The following CXCL13 variants were observed in gnomAD, a reference collection of about 807,000 sequenced individuals.
CXCL13 encodes C-X-C motif chemokine 13.
In CXCL13, 7 loss-of-function variants were observed where a neutral mutation model predicts 12.2. That is an observed-to-expected ratio of 0.57 (90% confidence interval 0.33 to 1.07). CXCL13 has a LOEUF of 1.07. CXCL13 is among the 50% of genes least tolerant of loss of function. The pLI, the probability that CXCL13 is intolerant of heterozygous loss-of-function variation, is 0.04. For missense variants in CXCL13, 113 were observed against 127.4 expected (o/e 0.89, Z 0.55); for synonymous variants, 47 against 42.4 (o/e 1.11, Z -0.42).
intron 1 of CXCL13, among the ~76,000 whole-genome samples, chr4:77,515,365 G>A (rs1348114256): frequency 1.3e-5 from 2 of 152,096 alleles, no homozygotes; most frequent in South Asian, 2.1e-4. Context: ...TAGCTTGATG[G>A]GGATGGCATT....
chr4:77,596,935 A>G (rs950615948), intron 1 of CXCL13, among the ~76,000 whole-genome samples: 24 of 152,334 alleles, frequency 1.6e-4, no homozygotes, highest in South Asian at 4.2e-4. Flanking sequence ...AAGAACGGGT[A>G]AAGAAAAATG....
At chr4:77,608,413 C>G (rs1727057022) in intron 2 of CXCL13, among the ~76,000 whole-genome samples, 1 of 151,356 alleles carries the variant, frequency 6.6e-6, no homozygotes. Context: ...GCACTCCAGC[C>G]TGGGCAACAA....
intron 1 of CXCL13, among the ~76,000 whole-genome samples, chr4:77,560,084 T>G (rs1725770436): frequency 6.6e-6 from 1 of 152,220 alleles, no homozygotes; most frequent in Non-Finnish European, 1.5e-5. Context: ...TCTTTCTTTT[T>G]TGTTTTGGAT....
intron 1 of CXCL13, among the ~76,000 whole-genome samples, chr4:77,550,988 T>G (rs185539393): frequency 6.6e-6 from 1 of 152,330 alleles, no homozygotes; most frequent in African/African-American, 2.4e-5. Context: ...CAAATCTTTC[T>G]CTGACATTTA....
At chr4:77,579,068 C>G (rs1230798359) in intron 1 of CXCL13, among the ~76,000 whole-genome samples, 1 of 152,232 alleles carries the variant, frequency 6.6e-6, no homozygotes, top group East Asian at 1.9e-4. Context: ...GCAAGGGCTA[C>G]ACTCTGAGGA....
chr4:77,597,843 C>T (rs1264737214), intron 1 of CXCL13, among the ~76,000 whole-genome samples: 1 of 152,188 alleles, frequency 6.6e-6, no homozygotes, highest in Non-Finnish European at 1.5e-5. Flanking sequence ...CTGCCCACCA[C>T]CAGCACCTAA....
chr4:77,518,382 CAG>C (rs1312883111), intron 1 of CXCL13, among the ~76,000 whole-genome samples: 1 of 152,174 alleles, frequency 6.6e-6, no homozygotes, highest in Non-Finnish European at 1.5e-5. Context: ...TAATATCCTG[CAG>C]AGTGTTTTCC....
chr4:77,587,054 T>C (rs1305963522), intron 1 of CXCL13, among the ~76,000 whole-genome samples: 1 of 152,118 alleles, frequency 6.6e-6, no homozygotes, highest in East Asian at 1.9e-4. Flanking sequence ...GCTTAGTCAC[T>C]CCTAACTCAG....
At chr4:77,571,221 G>A (rs967587616) in intron 1 of CXCL13, among the ~76,000 whole-genome samples, 7 of 151,934 alleles carry the variant, frequency 4.6e-5, no homozygotes, top group South Asian at 2.1e-4. Context: ...ATTTGTGAAT[G>A]CGCCAGTCAA....
intron 1 of CXCL13, among the ~76,000 whole-genome samples, chr4:77,515,146 G>C (rs963178888): frequency 2.6e-4 from 39 of 152,158 alleles, no homozygotes; most frequent in African/African-American, 7.2e-4. Context: ...TGAGGGCTCT[G>C]TTCTGTTCCA....
At chr4:77,546,591 ATATCCCCTT>A (rs1219687655) in intron 1 of CXCL13, among the ~76,000 whole-genome samples, 1 of 152,096 alleles carries the variant, frequency 6.6e-6, no homozygotes, top group Non-Finnish European at 1.5e-5. Flanking sequence ...ATCAGTGGTG[ATATCCCCTT>A]TATCATTTTT....
chr4:77,526,603 T>G (rs1724773140), intron 1 of CXCL13, among the ~76,000 whole-genome samples: 1 of 152,154 alleles, frequency 6.6e-6, no homozygotes, highest in Non-Finnish European at 1.5e-5. Context: ...ATTACATAAT[T>G]GGCTCTTAGC....
intron 1 of CXCL13, among the ~76,000 whole-genome samples, chr4:77,520,595 T>C (rs1436868436): frequency 6.6e-6 from 1 of 152,228 alleles, no homozygotes; most frequent in Non-Finnish European, 1.5e-5. Flanking sequence ...AAGTTGCTTA[T>C]CAGCTTAAGG....
intron 1 of CXCL13, among the ~76,000 whole-genome samples, chr4:77,514,484 T>A (rs1198587994): frequency 3.4e-5 from 5 of 145,568 alleles, no homozygotes; most frequent in Admixed American, 2.1e-4. Flanking sequence ...CCTGACTTTT[T>A]AATGATTGCC....
chr4:77,569,966 G>A (rs1726028513), intron 1 of CXCL13, among the ~76,000 whole-genome samples: 1 of 152,076 alleles, frequency 6.6e-6, no homozygotes, highest in South Asian at 2.1e-4. Flanking sequence ...CAAGAAATAA[G>A]GCAGCATGCC....
intron 2 of CXCL13, among the ~76,000 whole-genome samples, 193 bp downstream of exon 2, chr4:77,608,028 A>T (rs1365083280): frequency 6.6e-6 from 1 of 152,212 alleles, no homozygotes; most frequent in Non-Finnish European, 1.5e-5. Context: ...AGTGCTTTAC[A>T]TGCACATACT....
intron 1 of CXCL13, among the ~76,000 whole-genome samples, chr4:77,586,428 A>T (rs1385156489): frequency 6.6e-6 from 1 of 152,176 alleles, no homozygotes; most frequent in Admixed American, 6.5e-5. Context: ...CTCCGGTCCT[A>T]ACGTTTTTGA....
intron 1 of CXCL13, among the ~76,000 whole-genome samples, chr4:77,552,712 T>A (rs1033199420): frequency 6.6e-6 from 1 of 152,242 alleles, no homozygotes; most frequent in African/African-American, 2.4e-5. Context: ...TGCCTAGGCA[T>A]GAAGCTGGGA....
chr4:77,549,415 G>C (rs1040785478), intron 1 of CXCL13, among the ~76,000 whole-genome samples: 1 of 152,208 alleles, frequency 6.6e-6, no homozygotes, highest in African/African-American at 2.4e-5. Flanking sequence ...GAGAAGAGGT[G>C]CTCTGGTTTT....
Sources: gnomAD v4.1 joint callset for allele counts (sites outside exome capture counted in the v4.1 genomes callset) on GRCh38, gnomAD v4.1.1 for gene constraint, MANE v1.5 for transcripts, NCBI Gene and HGNC (gene_info 2026-07-23, HGNC 2026-07-21) for gene names.